NAA38: variants seen among roughly 807,000 people sequenced by gnomAD.
The protein encoded by NAA38 is LSM domain containing 1.
Under a neutral mutation model 12.6 loss-of-function variants are expected in NAA38, and 15 were observed. The observed-to-expected ratio is 1.19, with a 90% CI of 0.79 to 1.83. The LOEUF (loss-of-function observed/expected upper bound fraction) is 1.83. Among genes scored for constraint, NAA38 ranks in the 40% most tolerant of loss-of-function variants. The pLI is 0.00. For synonymous variants in NAA38, 88 were observed against 69.9 expected, an observed-to-expected ratio of 1.26 and a Z score of -1.29; for missense variants, 183 against 171.7, an observed-to-expected ratio of 1.07 and a Z score of -0.37.
chr17:7,884,695 CGAGGAGGAG>C (rs1273939480), intron 1 of NAA38: 32 of 267,710 alleles, frequency 1.2e-4, no homozygotes, highest in Middle Eastern at 9.4e-4. Flanking sequence ...ACGCCGCCGC[CGAGGAGGAG>C]GAGGAGGAGG....
chr17:7,856,781 C>T lies in NAA38; in HGVS notation c.328G>A (p.Val110Ile), dbSNP rs748837046. Residue 110 changes from valine (V) to isoleucine (I), a missense_variant, in exon 3 of 3, where the codon GTT (valine) becomes ATT (isoleucine). By Grantham distance (29) the Val-to-Ile change is conservative. Transcript: ENST00000575771. ...GLAMVPGHHIVSIEVQRESLT... is the reference protein window; with the variant it reads ...GLAMVPGHHIISIEVQRESLT... ...CTCTCCCTCTGCACCTCAATGGAAA[C>T]GATGTGGTGTCCGGGTACCATGGCC... 2.5e-6 allele frequency: 4 copies of T among 1,613,882 alleles called. No individual in the cohort carries two copies. In the Admixed American group the frequency reaches 5.0e-5, roughly 20 times the overall value.
intron 3 of NAA38, chr17:7,864,770 T>A (rs1329203728): frequency 2.0e-5 from 3 of 151,848 alleles, no homozygotes; most frequent in Non-Finnish European, 2.9e-5. Flanking sequence ...TGGTGGCAAG[T>A]GCCTATAATC....
intron 3 of NAA38, chr17:7,866,359 C>T (rs1567816135): frequency 1.9e-5 from 11 of 582,444 alleles, no homozygotes; most frequent in East Asian, 3.6e-5. Flanking sequence ...CCGCCCGCCT[C>T]GGCCTCCCAG....
chr17:7,858,761 G>C (rs377701402), upstream of NAA38: 27 of 1,596,142 alleles, frequency 1.7e-5, no homozygotes, highest in Non-Finnish European at 2.2e-5. Context: ...TGGGGCGGCT[G>C]TCTGCCAAGA....
chr17:7,884,478 GTA>G (rs1298787817), intron 1 of NAA38, among the ~76,000 whole-genome samples: 5 of 105,362 alleles, frequency 4.7e-5, no homozygotes, highest in African/African-American at 6.3e-5. Context: ...ATATATATAT[GTA>G]TATATATATA....
rs370833783 is a variant in NAA38, at chr17:7,856,854, G to A, written c.266-11C>T. The A allele has an allele frequency of 1.2e-6, 2 of 1,613,108 alleles. No homozygotes were observed. The highest frequency in any genetic ancestry group is 2.2e-5 in the East Asian group (1 of 44,858). On this transcript the variant is annotated splice_polypyrimidine_tract_variant and intron_variant, in intron 2 of 2. Transcript: ENST00000575771. ...CGGCAGAGAAGGAATCTGGAAAGAA[G>A]GATCAGAGCATCAGGAAAGTAGGCC... is the stretch of plus-strand genomic sequence containing the variant.
At chr17:7,856,876 G>A (rs753127686) in intron 2 of NAA38, 33 bp from the exon 3 acceptor site, 1 of 1,609,114 alleles carries the variant, frequency 6.2e-7, no homozygotes, top group Non-Finnish European at 8.5e-7. Flanking sequence ...CAGGAAAGTA[G>A]GCCAGAATCA....
Position 7,857,001 on chromosome 17 carries a change from C to A in NAA38, c.265+14G>T. The stretch of plus-strand genomic sequence containing the variant: ...CCACATTACCAGGCGGGTGTGCATT[C>A]CCCGGGCACTGACCCGACGGCTTGA... On this transcript the variant is annotated intron_variant, in intron 2 of 2. Coordinates refer to ENST00000575771, the MANE Select transcript of NAA38 (RefSeq NM_001320925.4). 6.3e-7 allele frequency: 1 copy of A among 1,598,856 alleles called. No individual in the cohort carries two copies. Among genetic ancestry groups the A allele is most frequent in the Non-Finnish European group, 8.6e-7 (1 of 1,169,516 alleles).
intron 2 of NAA38, among the ~76,000 whole-genome samples, chr17:7,874,495 G>A (rs181753677): frequency 9.7e-4 from 147 of 152,304 alleles, no homozygotes; most frequent in Middle Eastern, 3.4e-3. Context: ...AGAAAACACT[G>A]AGGAAGAGAA....
At position 7,866,326 on chromosome 17, in the gene NAA38, T is replaced by A. The variant is rs540938901; in HGVS notation, c.3+165A>T. 2.9e-4 allele frequency among the ~76,000 whole-genome samples: 43 copies of A among 146,830 alleles called. 1 individual carries two copies. Among genetic ancestry groups the A allele is most frequent in the Admixed American group, 2.5e-3 (36 of 14,494 alleles). ...GGTTTTACCGTGTTAGCCAGGATGG[T>A]CTTGATCTCCTGACCTCGTGATCCG... On this transcript the variant is annotated intron_variant, in intron 3 of 4. Coordinates refer to the NAA38 transcript ENST00000576861.
intron 2 of NAA38, among the ~76,000 whole-genome samples, chr17:7,867,936 A>G (rs1311085478): frequency 1.3e-5 from 2 of 152,234 alleles, no homozygotes; most frequent in Non-Finnish European, 2.9e-5. Context: ...TGGTGAGTCC[A>G]CTGGCAGAAA....
chr17:7,858,984 G>C, upstream of NAA38: 2 of 654,746 alleles, frequency 3.1e-6, no homozygotes, highest in Non-Finnish European at 2.5e-6. Context: ...AGGTCCCCAG[G>C]GTTGGGAATT....
upstream of NAA38, chr17:7,858,055 C>T: frequency 2.6e-6 from 4 of 1,567,810 alleles, no homozygotes; most frequent in Non-Finnish European, 3.5e-6. Context: ...CCGGACGCGA[C>T]GGAGGTCGTA....
At chr17:7,881,568 G>A (rs1016348414) in intron 2 of NAA38, among the ~76,000 whole-genome samples, 2 of 151,702 alleles carry the variant, frequency 1.3e-5, no homozygotes, top group African/African-American at 4.9e-5. Flanking sequence ...GAAGTTGGCA[G>A]AGAAGAAGCA....
intron 2 of NAA38, among the ~76,000 whole-genome samples, chr17:7,872,511 C>A (rs376985883): frequency 4.6e-5 from 7 of 152,148 alleles, no homozygotes; most frequent in Admixed American, 3.3e-4. Flanking sequence ...TGCAGGCATG[C>A]GCCACCACGC....
upstream of NAA38, chr17:7,859,591 T>C: frequency 6.2e-7 from 1 of 1,614,120 alleles, no homozygotes; most frequent in Non-Finnish European, 8.5e-7. Context: ...TGTACTTCAA[T>C]GATGATCTCA....
intron 2 of NAA38, among the ~76,000 whole-genome samples, chr17:7,867,281 A>G (rs1967003051): frequency 6.6e-6 from 1 of 151,582 alleles, no homozygotes; most frequent in Non-Finnish European, 1.5e-5. Flanking sequence ...TTTAATTGAG[A>G]CATAATTCAC....
chr17:7,866,500 GA>G, exon 3 of NAA38: 2 of 1,231,514 alleles, frequency 1.6e-6, no homozygotes, highest in Middle Eastern at 3.1e-4. Flanking sequence ...CCATGGTCCA[GA>G]AGGTAAGATT....
chr17:7,856,981 T>A (rs1049954785), intron 2 of NAA38, 34 bp downstream of exon 2: 2 of 1,592,390 alleles, frequency 1.3e-6, no homozygotes, highest in Non-Finnish European at 1.7e-6. Context: ...TTCCGCCACA[T>A]TACCAGGCGG....
Sources: gnomAD v4.1 joint callset for allele counts (sites outside exome capture counted in the v4.1 genomes callset) on GRCh38, gnomAD v4.1.1 for gene constraint, MANE v1.5 for transcripts, NCBI Gene and HGNC (gene_info 2026-07-23, HGNC 2026-07-21) for gene names.